AMPH: variants seen among roughly 807,000 people sequenced by gnomAD.
AMPH encodes the protein amphiphysin, also known as amphiphysin (Stiff-Mann syndrome with breast cancer 128kD autoantigen).
AMPH carries 49 observed loss-of-function variants against 99.1 expected under a neutral mutation model. That is an observed-to-expected ratio of 0.49 (90% CI 0.39 to 0.63). The LOEUF is 0.63. AMPH is among the 20% of genes least tolerant of loss of function. AMPH has a pLI of 0.00. For synonymous variants in AMPH, 314 were observed against 317.3 expected, an observed-to-expected ratio of 0.99 and a Z score of 0.11; for missense variants, 759 against 863.4, an observed-to-expected ratio of 0.88 and a Z score of 1.52.
At chr7:38,509,883 T>C (rs1789474307) in intron 2 of AMPH, among the ~76,000 whole-genome samples, 1 of 152,150 alleles carries the variant, frequency 6.6e-6, no homozygotes. Flanking sequence ...GTATAGATGC[T>C]AGCTCTATCT....
At chr7:38,435,875 A>C (rs1336367328) in intron 12 of AMPH, among the ~76,000 whole-genome samples, 1 of 152,182 alleles carries the variant, frequency 6.6e-6, no homozygotes, top group African/African-American at 2.4e-5. Context: ...ACACACTTTA[A>C]CTTGCAAAGT....
intron 11 of AMPH, among the ~76,000 whole-genome samples, chr7:38,442,350 T>C (rs1786588843): frequency 6.6e-6 from 1 of 152,154 alleles, no homozygotes; most frequent in Non-Finnish European, 1.5e-5. Context: ...TCAAGTGAGA[T>C]ACAGCCTTCC....
chr7:38,409,380 C>G lies in AMPH; in HGVS notation c.1398+8445G>C, dbSNP rs560375109. Among the ~76,000 whole-genome samples, 4 of 152,090 alleles carry G rather than the reference C, an allele frequency of 2.6e-5. No individual in the cohort carries two copies. In the East Asian group the frequency reaches 7.7e-4, roughly 29 times the overall value. On this transcript the variant is annotated intron_variant, in intron 17 of 20. Transcript: ENST00000356264. ...AGGGTATCCAGATCCTCATTATGGC[C>G]CCAAATAGAAGATGATTGGACTATG...
intron 17 of AMPH, among the ~76,000 whole-genome samples, chr7:38,405,964 C>A (rs965173038): frequency 6.6e-6 from 1 of 152,150 alleles, no homozygotes; most frequent in African/African-American, 2.4e-5. Context: ...CAACCATATG[C>A]TTAGCCATAA....
chr7:38,496,633 T>C (rs1318717419), intron 3 of AMPH, among the ~76,000 whole-genome samples: 1 of 152,142 alleles, frequency 6.6e-6, no homozygotes, highest in Non-Finnish European at 1.5e-5. Context: ...TCTCTCATGA[T>C]ATGGTCAACA....
At chr7:38,499,583 T>C (rs1214606084) in intron 3 of AMPH, among the ~76,000 whole-genome samples, 1 of 152,158 alleles carries the variant, frequency 6.6e-6, no homozygotes, top group Non-Finnish European at 1.5e-5. Context: ...GGGCCAAATA[T>C]CACTTTCTCC....
rs1453449463 is a variant in AMPH, at chr7:38,473,465, G to A, written c.590+1866C>T. 2.4e-5 allele frequency among the ~76,000 whole-genome samples: 3 copies of A among 126,806 alleles called. 1 individual carries two copies. The highest frequency in any genetic ancestry group is 4.9e-5 in the Non-Finnish European group (3 of 61,492). The allele number at this position is 126,806 out of a possible 152,430, so 83.2% of individuals were successfully genotyped here. On this transcript the variant is annotated intron_variant, in intron 7 of 20. Transcript: ENST00000356264. ...CACGCCTGTAATCCCAGCACTTTGG[G>A]AGGCCGAGGCGGGTGGATCATGAGG...
At chr7:38,429,358 T>G (rs1584078381) in intron 14 of AMPH, 2 of 1,289,874 alleles carry the variant, frequency 1.6e-6, no homozygotes, top group Non-Finnish European at 2.0e-6. Flanking sequence ...AGCAGGCTGG[T>G]GGATAATCTT....
intron 1 of AMPH, among the ~76,000 whole-genome samples, chr7:38,572,282 T>C (rs757442549): frequency 6.6e-6 from 1 of 152,152 alleles, no homozygotes; most frequent in Admixed American, 6.5e-5. Flanking sequence ...TCCTTACCAC[T>C]GTCCTACAGT....
chr7:38,436,156 G>T, intron 12 of AMPH, 116 bp downstream of exon 12: 2 of 759,430 alleles, frequency 2.6e-6, no homozygotes, highest in Non-Finnish European at 4.4e-6. Context: ...GGAAATATCT[G>T]TCAACCAAAA....
intron 1 of AMPH, among the ~76,000 whole-genome samples, chr7:38,624,130 G>T (rs1794161018): frequency 6.6e-6 from 1 of 152,146 alleles, no homozygotes; most frequent in Non-Finnish European, 1.5e-5. Context: ...GTGTTTGCAG[G>T]AGTGGGAGGT....
intron 16 of AMPH, among the ~76,000 whole-genome samples, chr7:38,419,947 A>AT (rs768173082): frequency 6.6e-6 from 1 of 152,216 alleles, no homozygotes; most frequent in Non-Finnish European, 1.5e-5. Context: ...AAATTCTGAC[A>AT]TTTTTTATAA....
intron 16 of AMPH, chr7:38,418,156 C>A: frequency 2.4e-6 from 1 of 419,672 alleles, no homozygotes; most frequent in Non-Finnish European, 4.1e-6. Flanking sequence ...TAAGCTTCTG[C>A]TTTACCATCA....
chr7:38,587,398 G>A (rs1369825463), intron 1 of AMPH, among the ~76,000 whole-genome samples: 1 of 152,154 alleles, frequency 6.6e-6, no homozygotes, highest in East Asian at 1.9e-4. Context: ...GAAACTGTCA[G>A]CTTAAACTCC....
At chr7:38,508,791 A>G (rs1320059931) in intron 2 of AMPH, among the ~76,000 whole-genome samples, 2 of 152,234 alleles carry the variant, frequency 1.3e-5, no homozygotes, top group Non-Finnish European at 2.9e-5. Flanking sequence ...CAGAGTTCAG[A>G]CAGGTTAACT....
intron 1 of AMPH, among the ~76,000 whole-genome samples, chr7:38,558,221 G>C (rs1311944057): frequency 6.6e-6 from 1 of 152,152 alleles, no homozygotes; most frequent in East Asian, 1.9e-4. Flanking sequence ...ATCTAATCAA[G>C]AGCACATAAC....
Position 38,494,527 on chromosome 7 carries a change from C to G in AMPH, c.206G>C (p.Gly69Ala). 4 of 1,612,464 alleles carry G rather than the reference C, an allele frequency of 2.5e-6. No homozygotes were observed. The highest frequency in any genetic ancestry group is 8.5e-7 in the Non-Finnish European group (1 of 1,178,594). ...GAGCTTCATGGAGGCCTCCTGCATG[C>G]CTAGTGTTGGAGAGAAACAACTCCC... ...ELRGYLAAIK[G>A]MQEASMKLTE... The change falls in exon 4 of 21, where the codon GGC becomes GCC. Residue 69 changes from glycine to alanine, a missense_variant and splice_region_variant. Around this residue, in one of 2 missense-constraint regions of AMPH, gnomAD observed 205 missense variants for 287.9 expected, o/e 0.71. Coordinates refer to ENST00000356264, the MANE Select transcript of AMPH (RefSeq NM_001635.4).
intron 1 of AMPH, among the ~76,000 whole-genome samples, chr7:38,596,967 G>T (rs1057116542): frequency 1.3e-5 from 2 of 152,114 alleles, no homozygotes; most frequent in African/African-American, 4.8e-5. Flanking sequence ...AACTCTTACA[G>T]AACAAAGTCC....
At chr7:38,444,986 TATAC>T (rs1462246224) in intron 11 of AMPH, among the ~76,000 whole-genome samples, 1 of 8,950 alleles carries the variant, frequency 1.1e-4, no homozygotes, top group Non-Finnish European at 2.1e-4. Context: ...TATCCATATA[TATAC>T]ATATATATAT....
Sources: allele counts gnomAD v4.1 joint callset (sites outside exome capture counted in the v4.1 genomes callset), GRCh38; gene constraint gnomAD v4.1.1; regional missense constraint gnomAD v4.1.1; transcripts MANE v1.5; gene names NCBI Gene and HGNC (gene_info 2026-07-23, HGNC 2026-07-21).